Variants in RGL3 observed in about 807,000 individuals in gnomAD.
RGL3 encodes ral guanine nucleotide dissociation stimulator like 3, also known as ral guanine nucleotide dissociation stimulator-like 3.
RGL3 carries 85 observed loss-of-function variants against 90.6 expected under a neutral mutation model. The observed-to-expected ratio is 0.94, with a 90% CI of 0.79 to 1.12. RGL3 has a LOEUF of 1.12. RGL3 is among the 50% of genes most tolerant of loss of function. The probability of loss-of-function intolerance (pLI) is 0.00; values close to 1 mark genes in which losing one functional copy is unlikely to be tolerated. For synonymous variants in RGL3, 408 were observed against 385.5 expected (o/e 1.06, Z -0.68); for missense variants, 1,034 against 939.2 (o/e 1.10, Z -1.32).
In RGL3 at chr19:11,416,117, G is replaced by T. The variant is rs767948038; in HGVS notation, c.457C>A (p.Gln153Lys). Residue 153 changes from glutamine (Q) to lysine (K), a missense_variant, in exon 5 of 19, where the codon CAG (glutamine) becomes AAG (lysine). Gln to Lys is a moderately conservative substitution (Grantham distance 53). Coordinates refer to ENST00000380456, the MANE Select transcript of RGL3 (RefSeq NM_001035223.4). ...TCTCGGAAATCCTGAGGGTGGTCCTGCAGCCAGGAGCCCAGCACTGACACC... is the reference window on the plus strand; with the variant it reads ...TCTCGGAAATCCTGAGGGTGGTCCTTCAGCCAGGAGCCCAGCACTGACACC... The part of the protein sequence containing the change: ...AVVSVLGSWL[Q>K]DHPQDFRDHP... 3 of 1,591,814 alleles carry T rather than the reference G, an allele frequency of 1.9e-6. No homozygotes were observed. Among genetic ancestry groups the T allele is most frequent in the Non-Finnish European group, 2.6e-6 (3 of 1,169,954 alleles).
intron 5 of RGL3, among the ~76,000 whole-genome samples, chr19:11,414,210 T>TATAC (rs1491081877): frequency 1.1e-5 from 1 of 94,606 alleles, no homozygotes; most frequent in African/African-American, 4.5e-5. Flanking sequence ...TATATATATA[T>TATAC]ACCTTTATAT....
Position 11,397,373 on chromosome 19 carries a change from C to A in RGL3, c.1900-15G>T, listed in dbSNP as rs112575266. The A allele has an allele frequency of 3.0e-5, 48 of 1,592,630 alleles. No individual in the cohort carries two copies. The highest frequency in any genetic ancestry group is 3.8e-5 in the Non-Finnish European group (44 of 1,168,560). ...TGACTGGTCAGCTGGAAGAGAGGGG[C>A]GGGAGGTGAGGTGAGGGCCCCGGCC... On this transcript the variant is annotated splice_polypyrimidine_tract_variant and intron_variant, in intron 17 of 18. Transcript: ENST00000380456.
intron 13 of RGL3, 41 bp from the exon 14 acceptor site, chr19:11,400,338 A>T: frequency 6.7e-7 from 1 of 1,501,568 alleles, no homozygotes; most frequent in Middle Eastern, 1.8e-4. Flanking sequence ...GGGGCAGGAA[A>T]TACAGGGGAT....
chr19:11,404,586 A>C (rs910336353), intron 9 of RGL3, among the ~76,000 whole-genome samples: 2 of 152,060 alleles, frequency 1.3e-5, no homozygotes, highest in African/African-American at 4.8e-5. Context: ...ACAACAACAA[A>C]AAACCAGATG....
At chr19:11,415,888 A>C (rs755640081) in intron 5 of RGL3, 49 bp downstream of exon 5, 26 of 1,492,892 alleles carry the variant, frequency 1.7e-5, no homozygotes, top group Non-Finnish European at 2.4e-5. Context: ...GGGAAGAAGC[A>C]GACAGGAAAG....
At chr19:11,417,841 T>C (rs1969031059) in intron 2 of RGL3, among the ~76,000 whole-genome samples, 1 of 152,088 alleles carries the variant, frequency 6.6e-6, no homozygotes, top group Admixed American at 6.6e-5. Context: ...TTTGTTTTTT[T>C]TAGAAACAGG....
intron 18 of RGL3, among the ~76,000 whole-genome samples, chr19:11,395,092 C>CAAAAAAAA (rs1285875207): frequency 8.2e-6 from 1 of 121,748 alleles, no homozygotes; most frequent in East Asian, 2.5e-4. Context: ...GACTCCATCT[C>CAAAAAAAA]AAAAAAAAAA....
intron 5 of RGL3, chr19:11,411,262 A>G (rs1968870291): frequency 6.6e-6 from 1 of 151,688 alleles, no homozygotes; most frequent in Non-Finnish European, 1.5e-5. Flanking sequence ...CCTTGAGTAG[A>G]TCTTTGGATT....
At chr19:11,415,578 C>T (rs375262528) in intron 5 of RGL3, among the ~76,000 whole-genome samples, 16 of 152,024 alleles carry the variant, frequency 1.1e-4, no homozygotes, top group African/African-American at 3.1e-4. Flanking sequence ...CGGGTTCAAA[C>T]GATTCTCCTG....
rs1239411771 is a variant in RGL3, at chr19:11,414,148, T to C, written c.637+1789A>G. On this transcript the variant is annotated intron_variant, in intron 5 of 18. Transcript: ENST00000380456. ...GCTGGAGAAATCATATATATATATA[T>C]ATATATATATATATATATATATATA... is the stretch of plus-strand genomic sequence containing the variant. Among the ~76,000 whole-genome samples, 4 of 82,584 alleles carry C rather than the reference T, an allele frequency of 4.8e-5. No individual in the cohort carries two copies. In the South Asian group the frequency reaches 1.5e-3, roughly 31 times the overall value. 54.2% of individuals were successfully genotyped at this position (82,584 alleles called of 152,430 possible).
At chr19:11,399,980 G>T in intron 15 of RGL3, 29 bp from the exon 16 acceptor site, 4 of 1,576,650 alleles carry the variant, frequency 2.5e-6, no homozygotes, top group Non-Finnish European at 3.4e-6. Flanking sequence ...CTGAGGTGGG[G>T]TGGCTGTGCT....
intron 5 of RGL3, among the ~76,000 whole-genome samples, chr19:11,410,245 C>T (rs1294155302): frequency 1.3e-5 from 2 of 151,760 alleles, no homozygotes; most frequent in African/African-American, 2.4e-5. Context: ...AGGTGATCCT[C>T]CTGCCTCGGC....
intron 9 of RGL3, among the ~76,000 whole-genome samples, chr19:11,404,280 CACT>C (rs763309396): frequency 2.0e-5 from 3 of 152,136 alleles, no homozygotes; most frequent in Non-Finnish European, 4.4e-5. Flanking sequence ...GTAATCCCAG[CACT>C]TTGGGAAGCC....
At position 11,399,861 on chromosome 19, in the gene RGL3, G is replaced by GCTGGGGCC. The variant is rs745857402; in HGVS notation, c.1732_1739dup (p.Ser580ArgfsTer9). The GCTGGGGCC allele has an allele frequency of 4.0e-6, 6 of 1,495,546 alleles. No individual in the cohort carries two copies. In the East Asian group the frequency reaches 9.6e-5, roughly 24 times the overall value. The allele number at this position is 1,495,546 out of a possible 1,614,324, so 92.6% of individuals were successfully genotyped here. ...ACACAAGCCGTCTTGGTACCTTGGTGCTGGGGCCCTGGGGCCCTGGAGAGG... is the reference window on the plus strand; with the variant it reads ...ACACAAGCCGTCTTGGTACCTTGGTGCTGGGGCCCTGGGGCCCTGGGGCCCTGGAGAGG... On this transcript the variant is annotated frameshift_variant, in exon 16 of 19. Coordinates refer to ENST00000380456, the MANE Select transcript of RGL3 (RefSeq NM_001035223.4). LOFTEE classifies it high-confidence loss of function.
chr19:11,400,129 T>C, intron 14 of RGL3, 21 bp from the exon 15 acceptor site: 4 of 1,602,340 alleles, frequency 2.5e-6, no homozygotes, highest in Non-Finnish European at 3.4e-6. Context: ...GGACAGGGGA[T>C]GAGGCTAAGG....
chr19:11,414,167 A>ATATATACACCTATATATATATACCTT (rs1968924820), intron 5 of RGL3, among the ~76,000 whole-genome samples: 3 of 110,986 alleles, frequency 2.7e-5, no homozygotes, highest in African/African-American at 1.3e-4. Context: ...ATATATATAT[A>ATATATACACCTATATATATATACCTT]TATATATATA....
At chr19:11,396,132 C>CTATA (rs1214766433) in intron 18 of RGL3, among the ~76,000 whole-genome samples, 92 of 38,654 alleles carry the variant, frequency 2.4e-3, no homozygotes, top group Non-Finnish European at 2.9e-3. Context: ...CTCTCTCTCT[C>CTATA]TCTCTATATA....
In RGL3 at chr19:11,418,703, T is replaced by G; in HGVS notation, c.115A>C (p.Arg39=). The change falls in exon 2 of 19, where the codon AGG becomes CGG. Residue 39 remains arginine (R), a synonymous_variant. Coordinates refer to ENST00000380456, the MANE Select transcript of RGL3 (RefSeq NM_001035223.4). ...VSLRRQRSQR[R]SPAEGPGGSQ... is the part of the protein sequence containing the mutation. Reference sequence around the variant, plus strand: ...CCCCCGGGGCCCTCCGCCGGGCTCCTGCGCTGACTGCGCTGCCGCCGCAGG... The same window carrying G: ...CCCCCGGGGCCCTCCGCCGGGCTCCGGCGCTGACTGCGCTGCCGCCGCAGG... 1 of 1,570,198 alleles carries G rather than the reference T, an allele frequency of 6.4e-7. No homozygotes were observed. Among genetic ancestry groups the G allele is most frequent in the Non-Finnish European group, 8.6e-7 (1 of 1,163,316 alleles).
At chr19:11,410,975 G>A (rs1249148992) in intron 5 of RGL3, among the ~76,000 whole-genome samples, 1 of 151,994 alleles carries the variant, frequency 6.6e-6, no homozygotes, top group Admixed American at 6.6e-5. Flanking sequence ...TCGGGAGGCC[G>A]ATGTGGGCAG....
Sources: gnomAD v4.1 joint callset for allele counts (sites outside exome capture counted in the v4.1 genomes callset) on GRCh38, gnomAD v4.1.1 for gene constraint, MANE v1.5 for transcripts, NCBI Gene and HGNC (gene_info 2026-07-23, HGNC 2026-07-21) for gene names.